The following NAALADL2 variants were observed in gnomAD, a reference collection of about 807,000 sequenced individuals.
NAALADL2 encodes N-acetylated alpha-linked acidic dipeptidase like 2.
Under a neutral mutation model 87.2 loss-of-function variants are expected in NAALADL2, and 76 were observed. The ratio of observed to expected loss-of-function variants is 0.87; its 90% CI spans 0.72 to 1.05. The LOEUF is 1.05. Ranked by LOEUF, NAALADL2 falls within the 50% of genes least tolerant of loss-of-function variation. The pLI, the probability that NAALADL2 is intolerant of heterozygous loss-of-function variation, is 0.00. For synonymous variants in NAALADL2, 354 were observed against 331.0 expected, an observed-to-expected ratio of 1.07 and a Z score of -0.75; for missense variants, 1,089 against 945.8, an observed-to-expected ratio of 1.15 and a Z score of -1.99.
Position 175,603,920 on chromosome 3 carries a change from G to C in NAALADL2, c.1801-23371G>C, listed in dbSNP as rs139653490. Among the ~76,000 whole-genome samples the C allele has an allele frequency of 8.2e-3, 1,248 of 152,192 alleles. 15 individuals carry two copies. The highest frequency in any genetic ancestry group is 0.028 in the African/African-American group (1,180 of 41,488). On this transcript the variant is annotated intron_variant, in intron 10 of 13. Coordinates refer to ENST00000454872, the MANE Select transcript of NAALADL2 (RefSeq NM_207015.3). ...GAGGTAGGAAGATCACCTGAGCCCA[G>C]GAGGTTGAGGCTGCGAGAACTATGA...
chr3:175,447,334 A>G lies in NAALADL2; in HGVS notation c.1196A>G (p.Lys399Arg), dbSNP rs776380126. ...ATCTCTTCGCCAAAAGCTAGAACCA[A>G]AAATGAAGCGTGTAGCTCTCTAGAG... ...KLISSPKART[K>R]NEACSSLELP... is the part of the protein sequence containing the mutation. The change falls in exon 6 of 14, where the codon AAA becomes AGA. Residue 399 changes from lysine (K) to arginine (R), a missense_variant. Coordinates refer to ENST00000454872, the MANE Select transcript of NAALADL2 (RefSeq NM_207015.3). 28 of 1,599,794 alleles carry G rather than the reference A, an allele frequency of 1.8e-5. No homozygotes were observed. The highest frequency in any genetic ancestry group is 1.0e-4 in the South Asian group (9 of 88,678).
rs561670827 is a variant in NAALADL2 at position 174,827,970 on chromosome 3, G to A, written c.-9+90224G>A. Among the ~76,000 whole-genome samples the A allele has an allele frequency of 4.6e-5, 7 of 152,162 alleles. No individual in the cohort carries two copies. In the East Asian group the frequency reaches 1.2e-3, roughly 25 times the overall value. ...GGCTGAGGCAAGAGGATCGCTTGAGGCCAGGAGTTTGAGAGAAGGCTGGGT... is the reference window on the plus strand; with the variant it reads ...GGCTGAGGCAAGAGGATCGCTTGAGACCAGGAGTTTGAGAGAAGGCTGGGT... On this transcript the variant is annotated intron_variant, in intron 3 of 3. Transcript: ENST00000434257.
chr3:175,127,886 A>G (rs904943753), intron 2 of NAALADL2, among the ~76,000 whole-genome samples: 6 of 152,170 alleles, frequency 3.9e-5, no homozygotes, highest in South Asian at 2.1e-4. Context: ...TATGAAAGAC[A>G]CGTGATATAA....
intron 2 of NAALADL2, among the ~76,000 whole-genome samples, chr3:174,661,730 C>T (rs1387724066): frequency 6.6e-6 from 1 of 152,124 alleles, no homozygotes; most frequent in Non-Finnish European, 1.5e-5. Flanking sequence ...CCTTCCCATC[C>T]TTCCAGCCTT....
At chr3:174,458,045 C>T (rs1191858465) in intron 1 of NAALADL2, among the ~76,000 whole-genome samples, 1 of 152,132 alleles carries the variant, frequency 6.6e-6, no homozygotes, top group Non-Finnish European at 1.5e-5. Flanking sequence ...GGGTACCAAG[C>T]TTGATACCTG....
intron 1 of NAALADL2, among the ~76,000 whole-genome samples, chr3:174,924,925 T>C (rs1022257712): frequency 6.6e-6 from 1 of 152,196 alleles, no homozygotes; most frequent in Admixed American, 6.5e-5. Context: ...TTGTTTGTTT[T>C]TTTCTTGTAA....
Position 175,281,378 on chromosome 3 carries a change from C to A in NAALADL2, c.939+24848C>A, listed in dbSNP as rs868773589. ...CATGTATAAGATTCTTAAAGTAAGC[C>A]ATTAACTCTCTCACTTTTTCATATC... On this transcript the variant is annotated intron_variant, in intron 4 of 13. Transcript: ENST00000454872. Among the ~76,000 whole-genome samples, 5 of 151,878 alleles carry A rather than the reference C, an allele frequency of 3.3e-5. No individual in the cohort carries two copies. In the Middle Eastern group the frequency reaches 0.01, roughly 314 times the overall value.
At chr3:175,452,839 G>A (rs759447694) in intron 6 of NAALADL2, among the ~76,000 whole-genome samples, 9 of 152,226 alleles carry the variant, frequency 5.9e-5, no homozygotes, top group Admixed American at 3.3e-4. Flanking sequence ...TAAATGGAGT[G>A]AGCGTAGGGG....
chr3:175,271,958 TATATA>T (rs1234624195), intron 4 of NAALADL2, among the ~76,000 whole-genome samples: 1 of 152,212 alleles, frequency 6.6e-6, no homozygotes, highest in African/African-American at 2.4e-5. Flanking sequence ...TCTAATGAAT[TATATA>T]ATATTTCCTG....
intron 2 of NAALADL2, among the ~76,000 whole-genome samples, chr3:174,573,202 A>G (rs1295612087): frequency 6.6e-6 from 1 of 152,144 alleles, no homozygotes; most frequent in African/African-American, 2.4e-5. Context: ...TAAATGTCTC[A>G]CAGCTGGCAG....
At chr3:174,779,407 T>C (rs999878100) in intron 3 of NAALADL2, among the ~76,000 whole-genome samples, 1 of 152,206 alleles carries the variant, frequency 6.6e-6, no homozygotes, top group Non-Finnish European at 1.5e-5. Context: ...GCAAAAATGT[T>C]CTCCCATTCT....
chr3:174,686,489 T>G (rs1335066134), intron 2 of NAALADL2, among the ~76,000 whole-genome samples: 1 of 147,412 alleles, frequency 6.8e-6, no homozygotes, highest in Admixed American at 6.8e-5. Context: ...ATGTTGAGCT[T>G]TTTTTTTTTC....
intron 10 of NAALADL2, among the ~76,000 whole-genome samples, chr3:175,602,462 A>ATATATAG (rs1293209223): frequency 6.7e-6 from 1 of 150,154 alleles, no homozygotes; most frequent in African/African-American, 2.5e-5. Flanking sequence ...GTGTATCTAT[A>ATATATAG]TATATAGAGA....
chr3:175,340,361 T>C (rs1204490365), intron 5 of NAALADL2, among the ~76,000 whole-genome samples: 1 of 152,118 alleles, frequency 6.6e-6, no homozygotes, highest in Non-Finnish European at 1.5e-5. Context: ...ATGATTCATA[T>C]CAGGATGGAA....
intron 2 of NAALADL2, among the ~76,000 whole-genome samples, chr3:174,673,791 TGAG>T (rs1194261899): frequency 6.6e-6 from 1 of 151,916 alleles, no homozygotes; most frequent in Non-Finnish European, 1.5e-5. Context: ...CAAAATAGCT[TGAG>T]GAGAAGATTT....
intron 2 of NAALADL2, among the ~76,000 whole-genome samples, chr3:175,113,342 A>G (rs918572423): frequency 1.3e-5 from 2 of 151,588 alleles, no homozygotes; most frequent in Non-Finnish European, 3.0e-5. Context: ...AGGTGCAGAC[A>G]GAAAGACAGA....
chr3:175,523,656 C>G (rs1017498751), intron 9 of NAALADL2, among the ~76,000 whole-genome samples: 2 of 152,180 alleles, frequency 1.3e-5, no homozygotes, highest in African/African-American at 4.8e-5. Flanking sequence ...GGGTTCTTAC[C>G]CTGAGGCGTG....
chr3:175,297,097 G>A (rs1306252840), intron 4 of NAALADL2, among the ~76,000 whole-genome samples: 1 of 152,128 alleles, frequency 6.6e-6, no homozygotes, highest in Non-Finnish European at 1.5e-5. Flanking sequence ...TGGCCTGTAG[G>A]TACTATCTAT....
At chr3:174,876,493 A>T (rs1728527918) in intron 1 of NAALADL2, among the ~76,000 whole-genome samples, 1 of 152,196 alleles carries the variant, frequency 6.6e-6, no homozygotes, top group Non-Finnish European at 1.5e-5. Context: ...GTAATGGTAG[A>T]ATTATACGCA....
Sources: allele counts gnomAD v4.1 joint callset (sites outside exome capture counted in the v4.1 genomes callset), GRCh38; gene constraint gnomAD v4.1.1; transcripts MANE v1.5; gene names NCBI Gene and HGNC (gene_info 2026-07-23, HGNC 2026-07-21).